The following MYOCD variants were observed in gnomAD, a reference collection of about 807,000 sequenced individuals.
MYOCD encodes myocardin.
Under a neutral mutation model 96.1 loss-of-function variants are expected in MYOCD, and 32 were observed. The observed-to-expected ratio is 0.33, with a 90% CI of 0.25 to 0.45. The LOEUF is 0.45. Ranked by LOEUF, MYOCD falls within the 20% of genes least tolerant of loss-of-function variation. The pLI is 1.00. For synonymous variants in MYOCD, 469 were observed against 469.0 expected (o/e 1.00, Z 0.00); for missense variants, 1,133 against 1,200.6 (o/e 0.94, Z 0.83).
intron 10 of MYOCD, among the ~76,000 whole-genome samples, chr17:12,753,852 C>A (rs549702770): frequency 7.4e-4 from 112 of 152,290 alleles, no homozygotes; most frequent in African/African-American, 2.6e-3. Flanking sequence ...TCTTACTCTT[C>A]ATGTAATGGT....
rs1327037431 is a variant in MYOCD at position 12,752,789 on chromosome 17, C to T, written c.1501C>T (p.Leu501=). ...VCTEESLMSS[L]NGGSVPSELD... ...CACGGAGGAAAGTCTCATGAGCAGC[C>T]TGAATGGGGGCTCTGTTCCTTCTGA... is the stretch of plus-strand genomic sequence containing the variant. The change falls in exon 10 of 14, where the codon CTG becomes TTG. Residue 501 remains leucine, a synonymous_variant. Transcript: ENST00000425538. 6.2e-7 allele frequency: 1 copy of T among 1,614,052 alleles called. No individual in the cohort carries two copies. Among genetic ancestry groups the T allele is most frequent in the Non-Finnish European group, 8.5e-7 (1 of 1,180,004 alleles).
At chr17:12,685,234 G>T (rs953239725) in intron 1 of MYOCD, among the ~76,000 whole-genome samples, 1 of 152,134 alleles carries the variant, frequency 6.6e-6, no homozygotes, top group Non-Finnish European at 1.5e-5. Context: ...AGGAGAGAGA[G>T]GTTGGCAGTG....
chr17:12,687,399 G>T (rs1233858), intron 1 of MYOCD, among the ~76,000 whole-genome samples: 149,538 of 152,246 alleles, frequency 0.98, 73,505 homozygotes, highest in East Asian at 1. Flanking sequence ...TCCCACATAG[G>T]CAAGGCAGAG....
chr17:12,725,536 T>A (rs968291118), intron 5 of MYOCD, among the ~76,000 whole-genome samples: 1 of 148,690 alleles, frequency 6.7e-6, no homozygotes, highest in Non-Finnish European at 1.5e-5. Flanking sequence ...ATGTATGAAT[T>A]ATATAAAGCA....
intron 4 of MYOCD, among the ~76,000 whole-genome samples, chr17:12,717,904 G>A (rs2031699048): frequency 6.6e-6 from 1 of 152,154 alleles, no homozygotes. Flanking sequence ...GCCTTAGGGT[G>A]CCACCTCTGT....
chr17:12,696,349 T>C (rs2030752707), intron 1 of MYOCD, among the ~76,000 whole-genome samples: 1 of 152,170 alleles, frequency 6.6e-6, no homozygotes, highest in Non-Finnish European at 1.5e-5. Context: ...TTCCCCCTTT[T>C]GGCTATTAAG....
intron 5 of MYOCD, among the ~76,000 whole-genome samples, chr17:12,732,983 G>A (rs1214549939): frequency 6.6e-6 from 1 of 152,138 alleles, no homozygotes; most frequent in African/African-American, 2.4e-5. Flanking sequence ...GCTATTTTGT[G>A]GAATTCTGGA....
At chr17:12,738,460 A>AAC (rs954185873) in intron 6 of MYOCD, among the ~76,000 whole-genome samples, 1 of 151,910 alleles carries the variant, frequency 6.6e-6, no homozygotes, top group South Asian at 2.1e-4. Context: ...CGCACACACA[A>AAC]ACACACACAC....
intron 1 of MYOCD, among the ~76,000 whole-genome samples, chr17:12,699,073 T>A (rs1433170910): frequency 6.6e-6 from 1 of 151,098 alleles, no homozygotes; most frequent in Non-Finnish European, 1.5e-5. Context: ...TCTTTCATTA[T>A]TTGTAATGGA....
chr17:12,709,568 GTC>G (rs150234731), intron 2 of MYOCD, among the ~76,000 whole-genome samples: 3,906 of 152,158 alleles, frequency 0.026, 163 homozygotes, highest in African/African-American at 0.089. Flanking sequence ...TAATAAAATA[GTC>G]TCTCAAAGTT....
rs1207248945 is a variant in MYOCD at position 12,744,298 on chromosome 17, C to T, written c.833C>T (p.Ser278Phe). ...CCCCCAGACCAGAAGGCAGAGAAGT[C>T]CCCTCCACCTATGGACTCAGCCTAC... ...YIPPDQKAEK[S>F]PPPMDSAYAR... is the part of the protein sequence containing the mutation. Residue 278 changes from serine to phenylalanine, a missense_variant, in exon 8 of 14, where the codon TCC (serine) becomes TTC (phenylalanine). Transcript: ENST00000425538. 6.2e-7 allele frequency: 1 copy of T among 1,614,212 alleles called. No homozygotes were observed. The highest frequency in any genetic ancestry group is 8.5e-7 in the Non-Finnish European group (1 of 1,180,034).
intron 11 of MYOCD, 137 bp downstream of exon 11, chr17:12,756,694 T>TAA: frequency 1.0e-5 from 1 of 98,704 alleles, no homozygotes; most frequent in Admixed American, 1.9e-4. Flanking sequence ...AGACTGCATC[T>TAA]CAAAAAAAAA....
intron 7 of MYOCD, among the ~76,000 whole-genome samples, chr17:12,743,082 G>GAT (rs2032560310): frequency 6.6e-6 from 1 of 152,152 alleles, no homozygotes. Flanking sequence ...AGGAAACTGA[G>GAT]ATGTATTAAA....
At chr17:12,737,762 A>G (rs1223208065) in intron 6 of MYOCD, among the ~76,000 whole-genome samples, 2 of 152,160 alleles carry the variant, frequency 1.3e-5, no homozygotes, top group East Asian at 3.9e-4. Context: ...AGTTAAAATA[A>G]TTATCATTCA....
intron 5 of MYOCD, among the ~76,000 whole-genome samples, chr17:12,735,428 C>T (rs964994237): frequency 2.0e-5 from 3 of 151,982 alleles, no homozygotes; most frequent in Non-Finnish European, 2.9e-5. Flanking sequence ...ACCATGCAGG[C>T]GGCAGAGGAA....
At chr17:12,716,985 C>CAAAAAAAAAAAAAAAAAAAAAAAAAA (rs56992216) in intron 3 of MYOCD, among the ~76,000 whole-genome samples, 1 of 112,952 alleles carries the variant, frequency 8.9e-6, no homozygotes, top group Non-Finnish European at 1.7e-5. Context: ...GATGCTGTCT[C>CAAAAAAAAAAAAAAAAAAAAAAAAAA]AAAAAAAAAA....
intron 12 of MYOCD, chr17:12,760,201 A>G (rs1446509996): frequency 1.8e-5 from 3 of 167,228 alleles, no homozygotes; most frequent in Admixed American, 1.7e-4. Flanking sequence ...ATGTCACAAC[A>G]TAGATCAACC....
rs369782472 is a variant in MYOCD, at chr17:12,699,469, G to A, written c.56-5659G>A. Among the ~76,000 whole-genome samples the A allele has an allele frequency of 3.5e-4, 53 of 152,260 alleles. No individual in the cohort carries two copies. The South Asian group carries it at 7.5e-3, about 21-fold the overall frequency. ...CTTCTTTTAGAAATTCTGCTAAAAT[G>A]TTTTGTGGCCACTTACTTAAAGATG... On this transcript the variant is annotated intron_variant, in intron 1 of 13. Coordinates refer to ENST00000425538, the MANE Select transcript of MYOCD (RefSeq NM_001146312.3).
At chr17:12,671,461 T>C (rs1909707407) in intron 1 of MYOCD, among the ~76,000 whole-genome samples, 1 of 152,148 alleles carries the variant, frequency 6.6e-6, no homozygotes, top group Non-Finnish European at 1.5e-5. Context: ...AAGCAGGTTA[T>C]CCCTATTGTT....
Sources: allele counts gnomAD v4.1 joint callset (sites outside exome capture counted in the v4.1 genomes callset), GRCh38; gene constraint gnomAD v4.1.1; transcripts MANE v1.5; gene names NCBI Gene and HGNC (gene_info 2026-07-23, HGNC 2026-07-21).